The following ADD1 variants were observed in gnomAD, a reference collection of about 807,000 sequenced individuals.
ADD1 encodes the protein alpha-adducin.
In ADD1, 24 loss-of-function variants were observed where a neutral mutation model predicts 80.5. That is an observed-to-expected ratio of 0.30 (90% CI 0.22 to 0.42). The LOEUF (loss-of-function observed/expected upper bound fraction) is 0.42. Among genes scored for constraint, ADD1 ranks in the 10% least tolerant of loss-of-function variants. The probability of loss-of-function intolerance (pLI) is 1.00; values close to 1 mark genes in which losing one functional copy is unlikely to be tolerated. For missense variants in ADD1, 948 were observed against 1,019.0 expected (o/e 0.93, Z 0.95); for synonymous variants, 373 against 393.8 (o/e 0.95, Z 0.63).
At chr4:2,885,488 GA>G (rs1008931809) in intron 4 of ADD1, among the ~76,000 whole-genome samples, 2 of 151,904 alleles carry the variant, frequency 1.3e-5, no homozygotes, top group East Asian at 3.8e-4. Context: ...TCATGTCACA[GA>G]AAAAATGGGT....
chr4:2,905,879 G>C (rs1446501387), intron 10 of ADD1, among the ~76,000 whole-genome samples: 1 of 152,144 alleles, frequency 6.6e-6, no homozygotes, highest in Non-Finnish European at 1.5e-5. Flanking sequence ...CTGAAGATGG[G>C]TCTTTATTCC....
chr4:2,848,302 A>G (rs908774549), intron 1 of ADD1, among the ~76,000 whole-genome samples: 4 of 152,202 alleles, frequency 2.6e-5, no homozygotes, highest in South Asian at 2.1e-4. Flanking sequence ...TGGCCTTTCT[A>G]CATTGAGGAA....
chr4:2,889,780 C>T (rs1461181705), intron 4 of ADD1, among the ~76,000 whole-genome samples: 1 of 152,104 alleles, frequency 6.6e-6, no homozygotes, highest in Non-Finnish European at 1.5e-5. Flanking sequence ...TGAGATTGTG[C>T]CACTGCACTC....
At chr4:2,895,987 A>T (rs1050058044) in intron 6 of ADD1, among the ~76,000 whole-genome samples, 5 of 151,446 alleles carry the variant, frequency 3.3e-5, no homozygotes, top group African/African-American at 9.7e-5. Flanking sequence ...TCCCGGGTTC[A>T]CGCCATTCTC....
rs140452460 is a variant in ADD1, at chr4:2,866,422, C to T, written c.-20-9474C>T. On this transcript the variant is annotated intron_variant, in intron 1 of 15. Transcript: ENST00000683351. Reference sequence around the variant, plus strand: ...AAGTCCTGACCTCAGGTGATCTGTCCGCCTTGGCCTCCCAGAGTGCTGGGA... The same window carrying T: ...AAGTCCTGACCTCAGGTGATCTGTCTGCCTTGGCCTCCCAGAGTGCTGGGA... Among the ~76,000 whole-genome samples, 1,155 of 152,138 alleles carry T rather than the reference C, an allele frequency of 7.6e-3. 14 individuals are homozygous for T. Among genetic ancestry groups the T allele is most frequent in the African/African-American group, 0.026 (1,094 of 41,506 alleles).
intron 1 of ADD1, among the ~76,000 whole-genome samples, chr4:2,869,626 C>G (rs1730109013): frequency 6.6e-6 from 1 of 152,226 alleles, no homozygotes; most frequent in South Asian, 2.1e-4. Flanking sequence ...CTCATGGACA[C>G]TTTCCCCCTG....
chr4:2,861,606 G>T (rs932605729), intron 1 of ADD1, among the ~76,000 whole-genome samples: 1 of 152,166 alleles, frequency 6.6e-6, no homozygotes, highest in Admixed American at 6.5e-5. Flanking sequence ...GCCCATTAGT[G>T]TATATAAATC....
chr4:2,855,548 A>G (rs1292942284), intron 1 of ADD1, among the ~76,000 whole-genome samples: 1 of 151,454 alleles, frequency 6.6e-6, no homozygotes, highest in Non-Finnish European at 1.5e-5. Flanking sequence ...TCGCCCTCCT[A>G]GATACAGCAA....
chr4:2,883,882 A>AGGAT (rs1273911696), intron 3 of ADD1, among the ~76,000 whole-genome samples: 1 of 152,144 alleles, frequency 6.6e-6, no homozygotes, highest in Non-Finnish European at 1.5e-5. Context: ...CTTGTTAGCC[A>AGGAT]GGATGGTCTC....
At chr4:2,898,362 G>T in intron 7 of ADD1, 35 bp downstream of exon 7, 1 of 1,614,154 alleles carries the variant, frequency 6.2e-7, no homozygotes, top group South Asian at 1.1e-5. Flanking sequence ...TTAAATTACA[G>T]CAGAAAGAAG....
At chr4:2,888,423 T>A (rs1467530408) in intron 4 of ADD1, among the ~76,000 whole-genome samples, 7 of 146,864 alleles carry the variant, frequency 4.8e-5, no homozygotes, top group African/African-American at 1.8e-4. Flanking sequence ...ATTATTATTA[T>A]TATTATTATT....
intron 6 of ADD1, 68 bp downstream of exon 6, chr4:2,894,799 C>G (rs1734916368): frequency 6.8e-7 from 1 of 1,481,032 alleles, no homozygotes; most frequent in Non-Finnish European, 9.0e-7. Flanking sequence ...CACGTTTCCT[C>G]TGAATTGCCC....
At chr4:2,919,828 GTCTC>G (rs1739703731) in intron 14 of ADD1, among the ~76,000 whole-genome samples, 1 of 150,382 alleles carries the variant, frequency 6.6e-6, no homozygotes, top group African/African-American at 2.5e-5. Context: ...GCTTTTTTGT[GTCTC>G]TCTCCTTCAG....
At chr4:2,870,626 G>A (rs1730280431) in intron 1 of ADD1, among the ~76,000 whole-genome samples, 1 of 152,226 alleles carries the variant, frequency 6.6e-6, no homozygotes, top group Non-Finnish European at 1.5e-5. Context: ...TCACAGGAGG[G>A]GTTCTTCACT....
intron 13 of ADD1, among the ~76,000 whole-genome samples, chr4:2,911,448 A>ATATATTTTT (rs553567632): frequency 7.7e-6 from 1 of 130,518 alleles, no homozygotes; most frequent in African/African-American, 3.0e-5. Flanking sequence ...ATATATATAT[A>ATATATTTTT]TTTTTTTTTT....
intron 2 of ADD1, among the ~76,000 whole-genome samples, chr4:2,877,949 A>C (rs1453193276): frequency 1.3e-5 from 2 of 152,186 alleles, no homozygotes; most frequent in East Asian, 3.8e-4. Context: ...CCTGGGTGAC[A>C]GAGTGAGACC....
chr4:2,854,196 C>T (rs1353437108), intron 1 of ADD1, among the ~76,000 whole-genome samples: 2 of 151,982 alleles, frequency 1.3e-5, no homozygotes, highest in Admixed American at 6.6e-5. Context: ...TGGTGGCACA[C>T]GCCTGTAATA....
chr4:2,857,574 C>T (rs1368819225), intron 1 of ADD1, among the ~76,000 whole-genome samples: 1 of 152,196 alleles, frequency 6.6e-6, no homozygotes, highest in Non-Finnish European at 1.5e-5. Context: ...TGCCACTGCA[C>T]TCCAGCCTGG....
At chr4:2,869,590 C>T (rs1433059464) in intron 1 of ADD1, among the ~76,000 whole-genome samples, 2 of 152,134 alleles carry the variant, frequency 1.3e-5, no homozygotes, top group Non-Finnish European at 2.9e-5. Flanking sequence ...CTCATAATAT[C>T]CTCTCTCAGT....
Sources: allele counts gnomAD v4.1 joint callset (sites outside exome capture counted in the v4.1 genomes callset), GRCh38; gene constraint gnomAD v4.1.1; transcripts MANE v1.5; gene names NCBI Gene and HGNC (gene_info 2026-07-23, HGNC 2026-07-21).